The following LRBA variants were observed in gnomAD, a reference collection of about 807,000 sequenced individuals.
LRBA encodes lipopolysaccharide-responsive and beige-like anchor protein.
Under a neutral mutation model 330.0 loss-of-function variants are expected in LRBA, and 176 were observed. The ratio of observed to expected loss-of-function variants is 0.53; its 90% CI spans 0.47 to 0.60. The LOEUF (loss-of-function observed/expected upper bound fraction) is 0.60, where lower values mean the gene tolerates loss of function less well. Ranked by LOEUF, LRBA falls within the 20% of genes least tolerant of loss-of-function variation. The pLI, the probability that LRBA is intolerant of heterozygous loss-of-function variation, is 0.00. For missense variants in LRBA, 3,259 were observed against 3,444.8 expected, an observed-to-expected ratio of 0.95 and a Z score of 1.35; for synonymous variants, 1,230 against 1,193.0, an observed-to-expected ratio of 1.03 and a Z score of -0.64.
intron 47 of LRBA, among the ~76,000 whole-genome samples, chr4:150,415,143 T>C (rs1378935995): frequency 1.3e-5 from 2 of 152,206 alleles, no homozygotes; most frequent in Non-Finnish European, 2.9e-5. Context: ...AAGCTCATAT[T>C]TGGAAAAACT....
chr4:150,812,403 G>A (rs1219202765), intron 31 of LRBA, among the ~76,000 whole-genome samples: 2 of 152,134 alleles, frequency 1.3e-5, no homozygotes, highest in Admixed American at 1.3e-4. Flanking sequence ...CTGGGGAGTA[G>A]GCAATTGTTT....
intron 48 of LRBA, among the ~76,000 whole-genome samples, chr4:150,338,994 C>CA (rs764398501): frequency 3.3e-5 from 5 of 149,794 alleles, no homozygotes; most frequent in South Asian, 4.3e-4. Context: ...CACACACACA[C>CA]AAGTAGTGAA....
At chr4:150,962,063 T>C (rs1738206928) in intron 2 of LRBA, among the ~76,000 whole-genome samples, 1 of 149,550 alleles carries the variant, frequency 6.7e-6, no homozygotes, top group African/African-American at 2.6e-5. Flanking sequence ...TCTTAACCTG[T>C]ACGCACTATG....
intron 35 of LRBA, among the ~76,000 whole-genome samples, chr4:150,752,115 A>T (rs1386557001): frequency 2.0e-5 from 3 of 152,220 alleles, no homozygotes; most frequent in African/African-American, 7.2e-5. Context: ...AGAATTAGCT[A>T]CAGAGAAGAG....
chr4:150,758,183 C>T, intron 35 of LRBA, among the ~76,000 whole-genome samples: 1 of 152,182 alleles, frequency 6.6e-6, no homozygotes, highest in Non-Finnish European at 1.5e-5. Context: ...GCTTAGGGCA[C>T]TTGAATCTTC....
chr4:150,986,365 AG>A (rs1435217655), intron 2 of LRBA, among the ~76,000 whole-genome samples: 1 of 152,162 alleles, frequency 6.6e-6, no homozygotes, highest in Non-Finnish European at 1.5e-5. Flanking sequence ...AGATTCTCAT[AG>A]GAGCACAAAG....
intron 40 of LRBA, among the ~76,000 whole-genome samples, chr4:150,578,274 C>T (rs1313609819): frequency 6.6e-6 from 1 of 152,138 alleles, no homozygotes; most frequent in East Asian, 1.9e-4. Context: ...AGCTTAATTA[C>T]CCATTATTCT....
Position 150,900,033 on chromosome 4 carries a change from G to C in LRBA, c.1924+16C>G. The C allele has an allele frequency of 6.3e-7, 1 of 1,588,508 alleles. No homozygotes were observed. The highest frequency in any genetic ancestry group is 8.6e-7 in the Non-Finnish European group (1 of 1,161,914). On this transcript the variant is annotated intron_variant, in intron 14 of 56. Transcript: ENST00000651943. The stretch of plus-strand genomic sequence containing the variant: ...TTGCATTTGTGTAAAGTAATATACA[G>C]ACAGAAATTATATACCTAATCCTTT...
intron 37 of LRBA, among the ~76,000 whole-genome samples, chr4:150,663,452 A>C (rs1309495472): frequency 6.6e-6 from 1 of 152,150 alleles, no homozygotes; most frequent in African/African-American, 2.4e-5. Context: ...ATGATATAAA[A>C]ATACCAGACT....
At chr4:150,751,847 T>G (rs1248603023) in intron 35 of LRBA, among the ~76,000 whole-genome samples, 6 of 152,068 alleles carry the variant, frequency 3.9e-5, no homozygotes, top group Non-Finnish European at 2.9e-5. Flanking sequence ...ATAACTACAT[T>G]ACAGCCCATT....
At chr4:150,965,705 A>T (rs936102047) in intron 2 of LRBA, among the ~76,000 whole-genome samples, 1 of 150,656 alleles carries the variant, frequency 6.6e-6, no homozygotes, top group Non-Finnish European at 1.5e-5. Context: ...ATGCCCGGCT[A>T]ATTTTTTTTT....
intron 48 of LRBA, among the ~76,000 whole-genome samples, chr4:150,343,634 C>T (rs1258812851): frequency 6.6e-6 from 1 of 152,102 alleles, no homozygotes; most frequent in Non-Finnish European, 1.5e-5. Flanking sequence ...ATCAGCCACC[C>T]TTGCACCTTC....
intron 38 of LRBA, among the ~76,000 whole-genome samples, chr4:150,595,924 A>C (rs997989784): frequency 5.3e-5 from 8 of 152,094 alleles, no homozygotes; most frequent in South Asian, 2.1e-4. Flanking sequence ...ATTTCTAATA[A>C]ATTTTAAAAC....
rs1733179786 is a variant in LRBA at position 150,325,850 on chromosome 4, G to A, written c.7411C>T (p.Leu2471Phe). The A allele has an allele frequency of 5.6e-6, 9 of 1,613,468 alleles. No homozygotes were observed. Among genetic ancestry groups the A allele is most frequent in the African/African-American group, 4.0e-5 (3 of 74,904 alleles). ...RSFGQTPSQL[L>F]IEPHPPRGSA... ...CCTCTGGGAGGATGGGGCTCTATGA[G>A]TAGTTGAGAAGGAGTCTGTCCAAAA... The change falls in exon 49 of 57, where the codon CTC becomes TTC. Residue 2471 changes from leucine (L) to phenylalanine (F), a missense_variant. Leu to Phe is a conservative substitution (Grantham distance 22). Coordinates refer to ENST00000651943, the MANE Select transcript of LRBA (RefSeq NM_001364905.1).
intron 2 of LRBA, among the ~76,000 whole-genome samples, chr4:151,005,823 G>A (rs1287081214): frequency 1.3e-5 from 2 of 151,606 alleles, no homozygotes; most frequent in African/African-American, 2.4e-5. Flanking sequence ...TCCAACTCCC[G>A]ACCTCAGGTG....
chr4:150,362,187 T>A (rs1260432610), intron 47 of LRBA, among the ~76,000 whole-genome samples: 1 of 152,142 alleles, frequency 6.6e-6, no homozygotes, highest in Non-Finnish European at 1.5e-5. Context: ...GGTGAGGGAC[T>A]AGGTCCTTCA....
intron 2 of LRBA, among the ~76,000 whole-genome samples, chr4:151,011,362 G>C (rs1019531705): frequency 6.6e-6 from 1 of 152,084 alleles, no homozygotes; most frequent in Non-Finnish European, 1.5e-5. Flanking sequence ...ACTTCAGGAG[G>C]CTGAACGGGT....
At chr4:150,759,069 A>G (rs1290519522) in intron 35 of LRBA, among the ~76,000 whole-genome samples, 5 of 151,518 alleles carry the variant, frequency 3.3e-5, no homozygotes, top group Non-Finnish European at 5.9e-5. Context: ...GGCACCTGCC[A>G]CTATACCAGG....
At chr4:150,921,126 T>C in intron 5 of LRBA, 72 bp downstream of exon 5, 1 of 975,064 alleles carries the variant, frequency 1.0e-6, no homozygotes, top group Non-Finnish European at 1.7e-6. Flanking sequence ...TCAGGGGTGT[T>C]CACAGGGCTG....
Sources: gnomAD v4.1 joint callset for allele counts (sites outside exome capture counted in the v4.1 genomes callset) on GRCh38, gnomAD v4.1.1 for gene constraint, MANE v1.5 for transcripts, NCBI Gene and HGNC (gene_info 2026-07-23, HGNC 2026-07-21) for gene names.